The following RAI1 variants were observed in gnomAD, a reference collection of about 807,000 sequenced individuals.
The protein encoded by RAI1 is retinoic acid-induced protein 1.
Under a neutral mutation model 123.8 loss-of-function variants are expected in RAI1, and 9 were observed. The observed-to-expected ratio is 0.07, with a 90% CI of 0.04 to 0.13. The LOEUF (loss-of-function observed/expected upper bound fraction) is 0.13, where lower values mean the gene tolerates loss of function less well. Among genes scored for constraint, RAI1 ranks in the 10% least tolerant of loss-of-function variants. The pLI, the probability that RAI1 is intolerant of heterozygous loss-of-function variation, is 1.00. For synonymous variants in RAI1, 1,231 were observed against 1,127.3 expected (o/e 1.09, Z -1.84); for missense variants, 2,256 against 2,545.8 (o/e 0.89, Z 2.45).
At position 17,740,703 on chromosome 17, in the gene RAI1, G is replaced by A. The variant is rs192699597; in HGVS notation, c.-17+16544G>A. ...CTGGACTTCAGCTTTCAGGGAGGGA[G>A]GTCCAGGCAGCAGGAGCCTGGGGGA... On this transcript the variant is annotated intron_variant, in intron 2 of 5. Coordinates refer to ENST00000353383, the MANE Select transcript of RAI1 (RefSeq NM_030665.4). 1.1e-4 allele frequency among the ~76,000 whole-genome samples: 17 copies of A among 152,296 alleles called. No homozygotes were observed. In the East Asian group the frequency reaches 3.1e-3, roughly 28 times the overall value.
intron 1 of RAI1, among the ~76,000 whole-genome samples, chr17:17,722,042 G>A (rs182188042): frequency 1.6e-3 from 247 of 152,296 alleles, no homozygotes; most frequent in Admixed American, 3.7e-3. Flanking sequence ...AAACCCAAGT[G>A]TGACAGGTGG....
At chr17:17,697,845 G>A (rs372077384) in intron 1 of RAI1, among the ~76,000 whole-genome samples, 4 of 152,222 alleles carry the variant, frequency 2.6e-5, no homozygotes, top group East Asian at 3.8e-4. Flanking sequence ...CAGGTCACAC[G>A]TTCTTTGTGT....
intron 2 of RAI1, among the ~76,000 whole-genome samples, chr17:17,731,066 G>T (rs1346332109): frequency 2.6e-5 from 4 of 152,206 alleles, no homozygotes; most frequent in Non-Finnish European, 5.9e-5. Context: ...GTGCCAGCCT[G>T]GTATGCTTCT....
chr17:17,724,244 C>T (rs1321173453), intron 2 of RAI1, 85 bp downstream of exon 2: 2 of 151,416 alleles, frequency 1.3e-5, no homozygotes, highest in Non-Finnish European at 2.9e-5. Context: ...CCGCCGCGCG[C>T]AGACCTGCCC....
Position 17,795,026 on chromosome 17 carries a change from C to G in RAI1, c.2078C>G (p.Ala693Gly). 6.2e-7 allele frequency: 1 copy of G among 1,614,146 alleles called. No homozygotes were observed. Among genetic ancestry groups the G allele is most frequent in the Non-Finnish European group, 8.5e-7 (1 of 1,180,044 alleles). ...SPGLFEDPSV[A>G]FATPDPKKTT... is the part of the protein sequence containing the mutation. The stretch of plus-strand genomic sequence containing the variant: ...GGGCTGTTTGAAGACCCTTCCGTGG[C>G]CTTCGCTACGCCTGACCCCAAAAAG... The change falls in exon 3 of 6, where the codon GCC becomes GGC. Residue 693 changes from alanine to glycine, a missense_variant. By Grantham distance (60) the Ala-to-Gly change is moderately conservative. Around this residue, in one of 7 missense-constraint regions of RAI1, gnomAD observed 566 missense variants for 616.0 expected, o/e 0.92. Coordinates refer to ENST00000353383, the MANE Select transcript of RAI1 (RefSeq NM_030665.4). The surrounding 1 kb of genome is among the most constrained non-coding windows in gnomAD (Gnocchi z 5.9).
intron 1 of RAI1, among the ~76,000 whole-genome samples, chr17:17,708,519 C>T (rs1915464901): frequency 6.6e-6 from 1 of 152,126 alleles, no homozygotes; most frequent in Non-Finnish European, 1.5e-5. Context: ...AGCAATCCTC[C>T]TACCTTAGCT....
intron 2 of RAI1, among the ~76,000 whole-genome samples, chr17:17,790,579 C>T (rs1191618507): frequency 2.0e-5 from 3 of 151,546 alleles, no homozygotes; most frequent in African/African-American, 4.9e-5. Context: ...CTCTGTCTCT[C>T]TTTAAATAAT....
chr17:17,793,946 A>G lies in RAI1; in HGVS notation c.998A>G (p.Gln333Arg). The G allele has an allele frequency of 6.2e-7, 1 of 1,613,962 alleles. No individual in the cohort carries two copies. The highest frequency in any genetic ancestry group is 8.5e-7 in the Non-Finnish European group (1 of 1,180,026). Residue 333 changes from glutamine to arginine, a missense_variant, in exon 3 of 6, where the codon CAG (glutamine) becomes CGG (arginine). This residue lies in a region of RAI1 where 357 missense variants were observed against 480.2 expected (regional missense o/e 0.74). Transcript: ENST00000353383. Reference protein sequence around the residue: ...QPDAAVRTPEQYYQTFSPSSS... With the variant: ...QPDAAVRTPERYYQTFSPSSS... ...GACGCAGCCGTCCGGACCCCAGAGC[A>G]GTACTACCAGACCTTCAGCCCCAGC...
chr17:17,761,885 G>C (rs918384217), intron 2 of RAI1, among the ~76,000 whole-genome samples: 1 of 152,164 alleles, frequency 6.6e-6, no homozygotes, highest in African/African-American at 2.4e-5. Context: ...GGGCAGGTGG[G>C]GGGATGGAAA....
intron 1 of RAI1, among the ~76,000 whole-genome samples, chr17:17,722,805 G>C: frequency 6.8e-6 from 1 of 147,202 alleles, no homozygotes; most frequent in Non-Finnish European, 1.5e-5. Context: ...ATGCGGCTAG[G>C]GGAGGCGCGC....
chr17:17,792,311 G>A (rs2032040857), intron 2 of RAI1, among the ~76,000 whole-genome samples: 1 of 152,040 alleles, frequency 6.6e-6, no homozygotes, highest in Non-Finnish European at 1.5e-5. Flanking sequence ...GTGTGTGTGT[G>A]CATGCGTGTG....
In RAI1 at chr17:17,810,301, G is replaced by A; in HGVS notation, c.*320G>A. On this transcript the variant is annotated 3_prime_UTR_variant, in exon 6 of 6. Transcript: ENST00000353383. This position sits in a 1 kb window ranked among gnomAD's most constrained non-coding sequence, Gnocchi z 4.6. ...AGACTCCCCGGGGCGCTCAGCCTCC[G>A]GCGAGGGTGGGAGACGGCTTTGTCC... The A allele has an allele frequency of 2.2e-6, 1 of 444,754 alleles. No homozygotes were observed. The highest frequency in any genetic ancestry group is 4.0e-6 in the Non-Finnish European group (1 of 251,478). 27.6% of individuals were successfully genotyped at this position (444,754 alleles called of 1,614,324 possible). A position where few individuals can be genotyped will look rare whatever the true frequency, so the allele number is the denominator to read the frequency against.
chr17:17,705,547 AAAAAAC>A (rs10634571), intron 1 of RAI1, among the ~76,000 whole-genome samples: 5,648 of 151,304 alleles, frequency 0.037, 154 homozygotes, highest in Non-Finnish European at 0.058. Context: ...ACTCCGTCTC[AAAAAAC>A]AAAAACAAAA....
chr17:17,806,528 G>A (rs1413491267), intron 4 of RAI1, among the ~76,000 whole-genome samples: 1 of 152,236 alleles, frequency 6.6e-6, no homozygotes, highest in Admixed American at 6.5e-5. Flanking sequence ...TGCAAATGGA[G>A]TATTAGCTGC....
chr17:17,771,260 TTCCATCCA>T (rs553683617), intron 2 of RAI1, among the ~76,000 whole-genome samples: 4 of 152,288 alleles, frequency 2.6e-5, no homozygotes, highest in Middle Eastern at 3.4e-3. Flanking sequence ...GGGGTTAGAA[TTCCATCCA>T]TCCATCCATC....
intron 3 of RAI1, among the ~76,000 whole-genome samples, chr17:17,802,842 G>A (rs1181535960): frequency 6.6e-6 from 1 of 152,128 alleles, no homozygotes; most frequent in Non-Finnish European, 1.5e-5. Context: ...CCAGCACTTT[G>A]GGAGGCCTAG....
At chr17:17,704,348 C>T (rs1388419497) in intron 1 of RAI1, among the ~76,000 whole-genome samples, 3 of 152,242 alleles carry the variant, frequency 2.0e-5, no homozygotes, top group South Asian at 2.1e-4. Context: ...GCCACATCAT[C>T]TCCAGGGGTT....
At chr17:17,734,841 C>G (rs758623158) in intron 2 of RAI1, among the ~76,000 whole-genome samples, 1 of 152,186 alleles carries the variant, frequency 6.6e-6, no homozygotes, top group Non-Finnish European at 1.5e-5. Flanking sequence ...GACACCAGCT[C>G]GCGACACCAG....
chr17:17,718,537 G>A (rs1915781312), intron 1 of RAI1, among the ~76,000 whole-genome samples: 1 of 152,158 alleles, frequency 6.6e-6, no homozygotes, highest in Non-Finnish European at 1.5e-5. Context: ...ATGTGGGCAG[G>A]GATGCCTGTT....
Sources: gnomAD v4.1 joint callset for allele counts (sites outside exome capture counted in the v4.1 genomes callset) on GRCh38, gnomAD v4.1.1 for gene constraint, gnomAD v4.1.1 regional missense constraint, Gnocchi (gnomAD v3.1) non-coding constraint, MANE v1.5 for transcripts, NCBI Gene and HGNC (gene_info 2026-07-23, HGNC 2026-07-21) for gene names.